The following GSG1L variants were observed in gnomAD, a reference collection of about 807,000 sequenced individuals.
GSG1L encodes the protein germ cell-specific gene 1-like protein.
A neutral mutation model predicts 42.1 loss-of-function variants in GSG1L; 24 were observed. The observed-to-expected ratio is 0.57, with a 90% CI of 0.41 to 0.80. The LOEUF (loss-of-function observed/expected upper bound fraction) is 0.80. GSG1L is among the 30% of genes least tolerant of loss of function. The pLI is 0.00. For missense variants in GSG1L, 445 were observed against 472.2 expected, an observed-to-expected ratio of 0.94 and a Z score of 0.53; for synonymous variants, 215 against 203.5, an observed-to-expected ratio of 1.06 and a Z score of -0.48.
intron 1 of GSG1L, among the ~76,000 whole-genome samples, chr16:27,977,796 A>G (rs1157001976): frequency 2.0e-5 from 3 of 152,100 alleles, no homozygotes; most frequent in Non-Finnish European, 4.4e-5. Flanking sequence ...CCCCACCACC[A>G]TGAGATTATT....
At chr16:27,843,350 A>C (rs1206901001) in intron 4 of GSG1L, among the ~76,000 whole-genome samples, 1 of 152,116 alleles carries the variant, frequency 6.6e-6, no homozygotes, top group East Asian at 1.9e-4. Context: ...TCATTGGTTC[A>C]GGTTTGGTCA....
At position 27,947,378 on chromosome 16, in the gene GSG1L, G is replaced by GAA. The variant is rs1366344481; in HGVS notation, c.397+15776_397+15777dup. Among the ~76,000 whole-genome samples the GAA allele has an allele frequency of 9.3e-3, 878 of 93,936 alleles. 9 individuals are homozygous for GAA. Among genetic ancestry groups the GAA allele is most frequent in the African/African-American group, 0.033 (829 of 24,990 alleles). 61.6% of individuals were successfully genotyped at this position (93,936 alleles called of 152,430 possible). ...GAAGGAGGAGGAGGAGAGAAAGAAA[G>GAA]AAAGAAAAAGAAAGAAAGAAAGAAA... is the stretch of plus-strand genomic sequence containing the variant. On this transcript the variant is annotated intron_variant, in intron 2 of 6. Coordinates refer to ENST00000447459, the MANE Select transcript of GSG1L (RefSeq NM_001109763.2).
chr16:27,953,801 C>G (rs2084976382), intron 2 of GSG1L, among the ~76,000 whole-genome samples: 1 of 152,058 alleles, frequency 6.6e-6, no homozygotes, highest in Non-Finnish European at 1.5e-5. Context: ...ATTGCTGGTA[C>G]CCAGGAGGCA....
chr16:27,961,743 A>T (rs1045199854), intron 2 of GSG1L, among the ~76,000 whole-genome samples: 6 of 152,158 alleles, frequency 3.9e-5, no homozygotes, highest in Non-Finnish European at 7.3e-5. Context: ...TGTTTTGGAG[A>T]TGGTCACATG....
At chr16:27,990,273 T>C (rs2085440826) in intron 1 of GSG1L, among the ~76,000 whole-genome samples, 2 of 152,220 alleles carry the variant, frequency 1.3e-5, no homozygotes, top group African/African-American at 4.8e-5. Flanking sequence ...GGGCAAAGTA[T>C]ACACTTGTGA....
intron 1 of GSG1L, among the ~76,000 whole-genome samples, chr16:27,991,331 GTTTTTGT>G (rs1378384577): frequency 3.1e-5 from 2 of 64,862 alleles, no homozygotes; most frequent in African/African-American, 6.0e-5. Context: ...TCTGTTTTTT[GTTTTTGT>G]TTTTTTTTCA....
At chr16:27,901,513 CA>C (rs2141042693) in intron 2 of GSG1L, among the ~76,000 whole-genome samples, 1 of 152,304 alleles carries the variant, frequency 6.6e-6, no homozygotes, top group South Asian at 2.1e-4. Context: ...TTGGCTAAGG[CA>C]GAATGAAGAA....
At chr16:27,894,553 G>A (rs947991826) in intron 2 of GSG1L, among the ~76,000 whole-genome samples, 4 of 152,308 alleles carry the variant, frequency 2.6e-5, no homozygotes, top group African/African-American at 9.6e-5. Context: ...TGGGTGACAG[G>A]CCCCCTGATA....
chr16:27,854,561 G>A (rs965900397), intron 3 of GSG1L, among the ~76,000 whole-genome samples: 17 of 152,280 alleles, frequency 1.1e-4, no homozygotes, highest in Non-Finnish European at 2.4e-4. Flanking sequence ...GACACCTTGC[G>A]AGTTGGGCCG....
chr16:27,791,341 G>C lies in GSG1L; in HGVS notation c.*29C>G, dbSNP rs2082749321. ...CAGGGGCTGGTGCCAGCGATGGCCT[G>C]AGGTCCGCGGGCCAGGTTGAGGTCT... On this transcript the variant is annotated 3_prime_UTR_variant, in exon 7 of 7. Transcript: ENST00000447459. 7.5e-7 allele frequency: 1 copy of C among 1,332,238 alleles called. No individual in the cohort carries two copies. The highest frequency in any genetic ancestry group is 3.0e-4 in the Middle Eastern group (1 of 3,376). The allele number at this position is 1,332,238 out of a possible 1,614,324, so 82.5% of individuals were successfully genotyped here.
chr16:28,001,231 CATAG>C (rs2085575213), intron 1 of GSG1L, among the ~76,000 whole-genome samples: 1 of 152,186 alleles, frequency 6.6e-6, no homozygotes, highest in Non-Finnish European at 1.5e-5. Context: ...CCCCAATTCA[CATAG>C]ATAGTGCAGA....
chr16:27,859,406 C>T (rs2083615992), intron 3 of GSG1L, among the ~76,000 whole-genome samples: 1 of 152,208 alleles, frequency 6.6e-6, no homozygotes, highest in Non-Finnish European at 1.5e-5. Context: ...AGGGGGGTCT[C>T]GGCACCATGC....
At chr16:28,046,736 A>C (rs1300735227) in intron 1 of GSG1L, among the ~76,000 whole-genome samples, 3 of 152,054 alleles carry the variant, frequency 2.0e-5, no homozygotes, top group African/African-American at 7.2e-5. Flanking sequence ...ACTCTGGCGC[A>C]TCAGCCTTGT....
chr16:27,846,527 A>C (rs1262897759), intron 3 of GSG1L, among the ~76,000 whole-genome samples: 1 of 152,234 alleles, frequency 6.6e-6, no homozygotes, highest in Non-Finnish European at 1.5e-5. Flanking sequence ...AAAAGCATTG[A>C]TTCCTAAATT....
chr16:27,796,874 G>T (rs1227858700), intron 6 of GSG1L, among the ~76,000 whole-genome samples: 1 of 152,140 alleles, frequency 6.6e-6, no homozygotes, highest in South Asian at 2.1e-4. Flanking sequence ...GGCATGTATT[G>T]TGTGTCAGCC....
chr16:27,873,552 G>A (rs755743382), intron 3 of GSG1L, among the ~76,000 whole-genome samples: 24 of 152,252 alleles, frequency 1.6e-4, no homozygotes, highest in Middle Eastern at 3.4e-3. Flanking sequence ...ATCAAACCCC[G>A]CCCCCTCTTT....
Position 27,854,452 on chromosome 16 carries a change from G to A in GSG1L, c.551-9391C>T, listed in dbSNP as rs535091828. On this transcript the variant is annotated intron_variant, in intron 3 of 6. Coordinates refer to ENST00000447459, the MANE Select transcript of GSG1L (RefSeq NM_001109763.2). Reference sequence around the variant, plus strand: ...AGCAGGGCTTCCCTAAAAGGCCGCCGGCCTCCACTTCAAGCCCTTTCCATT... The same window carrying A: ...AGCAGGGCTTCCCTAAAAGGCCGCCAGCCTCCACTTCAAGCCCTTTCCATT... Among the ~76,000 whole-genome samples the A allele has an allele frequency of 7.9e-5, 12 of 152,244 alleles. No individual in the cohort carries two copies. The South Asian group carries it at 1.7e-3, about 21-fold the overall frequency.
In GSG1L at chr16:27,789,483, G is replaced by A. The variant is rs909382654; in HGVS notation, c.*1887C>T. On this transcript the variant is annotated 3_prime_UTR_variant, in exon 7 of 7. Transcript: ENST00000447459. ...AGGATGGATGGATGATGGATAGATG[G>A]ATGAATGGATAGATAGTGGATGGAA... The A allele has an allele frequency of 6.6e-6, 1 of 151,962 alleles. No homozygotes were observed. Among genetic ancestry groups the A allele is most frequent in the Non-Finnish European group, 1.5e-5 (1 of 67,972 alleles). 9.4% of individuals were successfully genotyped at this position (151,962 alleles called of 1,614,324 possible).
In GSG1L at chr16:28,059,850, G is replaced by A. The variant is rs1010544238; in HGVS notation, c.349+3226C>T. Reference sequence around the variant, plus strand: ...AGGAGAAAAGGTTTCTTTGTGCAGGGTCTGGTGAAAGTGTGTCTGTTTAGG... The same window carrying A: ...AGGAGAAAAGGTTTCTTTGTGCAGGATCTGGTGAAAGTGTGTCTGTTTAGG... On this transcript the variant is annotated intron_variant, in intron 1 of 6. Transcript: ENST00000447459. The surrounding 1 kb of genome is among the most constrained non-coding windows in gnomAD (Gnocchi z 4.4). 4.6e-5 allele frequency among the ~76,000 whole-genome samples: 7 copies of A among 152,222 alleles called. No homozygotes were observed. Among genetic ancestry groups the A allele is most frequent in the Non-Finnish European group, 7.3e-5 (5 of 68,044 alleles).
Sources: gnomAD v4.1 joint callset for allele counts (sites outside exome capture counted in the v4.1 genomes callset) on GRCh38, gnomAD v4.1.1 for gene constraint, Gnocchi (gnomAD v3.1) non-coding constraint, MANE v1.5 for transcripts, NCBI Gene and HGNC (gene_info 2026-07-23, HGNC 2026-07-21) for gene names.